TENM1: variants seen among roughly 807,000 people sequenced by gnomAD.
TENM1 encodes teneurin transmembrane protein 1.
Under a neutral mutation model 174.8 loss-of-function variants are expected in TENM1, and 35 were observed. The observed-to-expected ratio is 0.20, with a 90% CI of 0.15 to 0.27. The LOEUF (loss-of-function observed/expected upper bound fraction) is 0.27. TENM1 is among the 10% of genes least tolerant of loss of function. The pLI is 1.00. For synonymous variants in TENM1, 781 were observed against 798.7 expected, an observed-to-expected ratio of 0.98 and a Z score of 0.37; for missense variants, 1,633 against 2,130.1, an observed-to-expected ratio of 0.77 and a Z score of 4.59.
the TENM1 span, among the ~76,000 whole-genome samples, chrX:125,200,654 T>TGTGTGTGAGAGAGAGA: frequency 7.6e-5 from 7 of 92,420 alleles, no homozygotes; most frequent in Admixed American, 3.7e-4. Context: ...TGTGTGTGTG[T>TGTGTGTGAGAGAGAGA]GAGAGAGAGA....
intron 5 of TENM1, among the ~76,000 whole-genome samples, chrX:124,697,688 G>C (rs2052683733): frequency 9.0e-6 from 1 of 110,997 alleles, no homozygotes; most frequent in African/African-American, 3.3e-5. Flanking sequence ...ATAATATATA[G>C]ATACCATTAC....
At chrX:125,170,470 AG>A in the TENM1 span, among the ~76,000 whole-genome samples, 5 of 111,817 alleles carry the variant, frequency 4.5e-5, no homozygotes, top group Non-Finnish European at 9.4e-5. Flanking sequence ...ATGCATATTC[AG>A]GGGTTTCCTC....
chrX:124,824,589 A>G (rs1329272232), intron 3 of TENM1, among the ~76,000 whole-genome samples: 2 of 111,928 alleles, frequency 1.8e-5, no homozygotes, highest in Admixed American at 1.9e-4. Flanking sequence ...CCAGCTTGAG[A>G]GGTAATAACA....
chrX:125,113,891 C>G, the TENM1 span, among the ~76,000 whole-genome samples: 1 of 111,011 alleles, frequency 9.0e-6, no homozygotes, highest in Non-Finnish European at 1.9e-5. Context: ...GACTTGAACT[C>G]GGCTCTGGAC....
intron 3 of TENM1, among the ~76,000 whole-genome samples, chrX:124,836,330 C>G (rs1358592239): frequency 8.9e-6 from 1 of 111,769 alleles, no homozygotes; most frequent in East Asian, 2.8e-4. Flanking sequence ...TTCCTAACAA[C>G]TCTTACTTTA....
chrX:124,716,682 T>C (rs1290420891), intron 4 of TENM1, among the ~76,000 whole-genome samples: 1 of 111,931 alleles, frequency 8.9e-6, no homozygotes, highest in African/African-American at 3.2e-5. Context: ...TAATTGAATG[T>C]AGGCCCCAAG....
intron 3 of TENM1, among the ~76,000 whole-genome samples, chrX:124,748,904 C>T (rs1204405211): frequency 9.0e-6 from 1 of 111,210 alleles, no homozygotes; most frequent in Non-Finnish European, 1.9e-5. Flanking sequence ...AAACACTTAG[C>T]AGAGTGCTTG....
chrX:125,037,281 A>T, the TENM1 span, among the ~76,000 whole-genome samples: 1 of 109,898 alleles, frequency 9.1e-6, no homozygotes, highest in African/African-American at 3.3e-5. Flanking sequence ...GGTGCCCTCT[A>T]TTTTCCTGTA....
At chrX:124,862,460 A>G (rs1653181835) in intron 3 of TENM1, among the ~76,000 whole-genome samples, 1 of 111,231 alleles carries the variant, frequency 9.0e-6, no homozygotes, top group Admixed American at 9.5e-5. Flanking sequence ...GCGCTGGGGG[A>G]GGGAGAACAC....
the TENM1 span, among the ~76,000 whole-genome samples, chrX:125,058,455 T>C: frequency 8.9e-6 from 1 of 111,841 alleles, no homozygotes; most frequent in Non-Finnish European, 1.9e-5. Flanking sequence ...TAGACAATTT[T>C]ATGTGTAATA....
At chrX:124,963,926 T>C, upstream of TENM1, 1 of 443,283 alleles carries the variant, frequency 2.3e-6, no homozygotes, top group South Asian at 3.7e-5. Flanking sequence ...AGGAGAGAAG[T>C]AAAAGACAAA....
the TENM1 span, among the ~76,000 whole-genome samples, chrX:125,012,693 A>T: frequency 8.9e-6 from 1 of 111,817 alleles, no homozygotes; most frequent in Non-Finnish European, 1.9e-5. Context: ...CTCACTCCAA[A>T]TCAAATGCGC....
chrX:124,601,704 T>C (rs1002798747), intron 11 of TENM1, among the ~76,000 whole-genome samples: 11 of 110,522 alleles, frequency 1.0e-4, no homozygotes, highest in South Asian at 3.8e-4. Flanking sequence ...CCAAACCGTA[T>C]GATTTTTTTC....
chrX:125,191,475 C>T, the TENM1 span, among the ~76,000 whole-genome samples: 4 of 111,546 alleles, frequency 3.6e-5, no homozygotes, highest in African/African-American at 1.3e-4. Context: ...CTGATAAAGG[C>T]ATAGAAAATG....
chrX:124,466,179 A>G (rs1415264910), intron 22 of TENM1, among the ~76,000 whole-genome samples: 1 of 112,125 alleles, frequency 8.9e-6, no homozygotes, highest in Non-Finnish European at 1.9e-5. Context: ...GTGTTTGACT[A>G]TAGCATTTAG....
chrX:124,392,434 T>C lies in TENM1; in HGVS notation c.5392-86A>G, dbSNP rs970148909. 2.0e-5 allele frequency: 15 copies of C among 764,824 alleles called. No individual in the cohort carries two copies. The African/African-American group carries it at 2.9e-4, about 15-fold the overall frequency. 63.0% of individuals were successfully genotyped at this position (764,824 alleles called of 1,213,427 possible). A position where few individuals can be genotyped will look rare whatever the true frequency, so the allele number is the denominator to read the frequency against. ...TGACAATCATGAATCCTTTCCTGAT[T>C]ATCCAACGATAGAGTCTGTCTTGCC... On this transcript the variant is annotated intron_variant, in intron 27 of 31. Transcript: ENST00000422452.
At chrX:124,929,460 T>C (rs917564214) in intron 1 of TENM1, among the ~76,000 whole-genome samples, 4 of 112,070 alleles carry the variant, frequency 3.6e-5, no homozygotes, top group Admixed American at 2.8e-4. Flanking sequence ...ATACACACTG[T>C]CAGTTCTGTC....
intron 3 of TENM1, among the ~76,000 whole-genome samples, chrX:124,876,569 T>C (rs1281257513): frequency 8.9e-6 from 1 of 112,095 alleles, no homozygotes. Flanking sequence ...TTAAAAGATT[T>C]GGAAGCTTTC....
At chrX:125,082,203 C>T in the TENM1 span, among the ~76,000 whole-genome samples, 2 of 110,717 alleles carry the variant, frequency 1.8e-5, 1 homozygote, top group Admixed American at 1.9e-4. Context: ...AAAACTCATT[C>T]TTTACCACCT....
Sources: allele counts gnomAD v4.1 joint callset (sites outside exome capture counted in the v4.1 genomes callset), GRCh38; gene constraint gnomAD v4.1.1; transcripts MANE v1.5; gene names NCBI Gene and HGNC (gene_info 2026-07-23, HGNC 2026-07-21).